The following MED13 variants were observed in gnomAD, a reference collection of about 807,000 sequenced individuals.
The protein encoded by MED13 is mediator complex subunit 13, also known as mediator of RNA polymerase II transcription subunit 13.
MED13 carries 23 observed loss-of-function variants against 225.2 expected under a neutral mutation model. The observed-to-expected ratio is 0.10, with a 90% CI of 0.07 to 0.14. MED13 has a LOEUF of 0.14. MED13 is among the 10% of genes least tolerant of loss of function. MED13 has a pLI of 1.00. For missense variants in MED13, 2,197 were observed against 2,594.5 expected, an observed-to-expected ratio of 0.85 and a Z score of 3.33; for synonymous variants, 942 against 889.2, an observed-to-expected ratio of 1.06 and a Z score of -1.06.
At chr17:62,042,515 T>C (rs895872998) in intron 3 of MED13, among the ~76,000 whole-genome samples, 36 of 146,050 alleles carry the variant, frequency 2.5e-4, no homozygotes, top group African/African-American at 9.4e-4. Context: ...TGAGCCGAGA[T>C]TGCGCCACTG....
At position 62,011,078 on chromosome 17, in the gene MED13, A is replaced by G. The variant is rs2080503935; in HGVS notation, c.1439T>C (p.Val480Ala). 15 of 1,614,180 alleles carry G rather than the reference A, an allele frequency of 9.3e-6. No homozygotes were observed. The highest frequency in any genetic ancestry group is 2.2e-5 in the East Asian group (1 of 44,892). The change falls in exon 9 of 30, where the codon GTG becomes GCG. Residue 480 changes from valine to alanine, a missense_variant. Physicochemically the swap from Val to Ala is moderately conservative, Grantham distance 64 (BLOSUM62 0). Transcript: ENST00000397786. Reference sequence around the variant, plus strand: ...CATGCCAACATCATCACTAACAGACACACGATGGTGAAAAGGAGTCAAGGG... The same window carrying G: ...CATGCCAACATCATCACTAACAGACGCACGATGGTGAAAAGGAGTCAAGGG... ...KRPLTPFHHR[V>A]SVSDDVGMDA...
intron 10 of MED13, among the ~76,000 whole-genome samples, chr17:61,993,947 AC>A (rs1194878726): frequency 1.9e-3 from 218 of 117,378 alleles, no homozygotes; most frequent in African/African-American, 0.013. Flanking sequence ...AAACAAACAA[AC>A]AAAAAAAAAA....
intron 3 of MED13, among the ~76,000 whole-genome samples, chr17:62,049,084 A>AAAAAAAAAAAAAAAAAAAAAAAAG (rs2080929901): frequency 6.7e-6 from 1 of 150,202 alleles, no homozygotes; most frequent in African/African-American, 2.5e-5. Flanking sequence ...AAGACAAAAA[A>AAAAAAAAAAAAAAAAAAAAAAAAG]AAAAAAAAAA....
At chr17:61,961,884 A>C (rs2143347709) in intron 21 of MED13, 105 bp from the exon 22 acceptor site, 1 of 1,050,096 alleles carries the variant, frequency 9.5e-7, no homozygotes, top group Non-Finnish European at 1.4e-6. Context: ...ATTTACACAA[A>C]ACCTAATTTA....
chr17:62,001,221 A>C (rs1603400217), intron 9 of MED13, among the ~76,000 whole-genome samples: 1 of 152,178 alleles, frequency 6.6e-6, no homozygotes, highest in African/African-American at 2.4e-5. Context: ...CTCATGAACT[A>C]AATACGCTTG....
Position 61,968,066 on chromosome 17 carries a change from C to T in MED13, c.4160G>A (p.Ser1387Asn), listed in dbSNP as rs2143386924. 5 of 1,613,796 alleles carry T rather than the reference C, an allele frequency of 3.1e-6. No homozygotes were observed. Among genetic ancestry groups the T allele is most frequent in the Non-Finnish European group, 4.2e-6 (5 of 1,179,808 alleles). Residue 1387 changes from serine to asparagine, a missense_variant, in exon 18 of 30, where the codon AGC (serine) becomes AAC (asparagine). Ser to Asn is a conservative substitution (Grantham distance 46). Transcript: ENST00000397786. Reference protein sequence around the residue: ...ENEALLNGAKSFFRDLTAIYE... With the variant: ...ENEALLNGAKNFFRDLTAIYE... Reference sequence around the variant, plus strand: ...TATTGCAGTAAGATCTCTAAAAAAGCTTTTTGCTCCATTTAACAAGGCTTC... The same window carrying T: ...TATTGCAGTAAGATCTCTAAAAAAGTTTTTTGCTCCATTTAACAAGGCTTC...
At chr17:62,013,261 T>C (rs2080529497) in intron 8 of MED13, among the ~76,000 whole-genome samples, 1 of 152,072 alleles carries the variant, frequency 6.6e-6, no homozygotes, top group Non-Finnish European at 1.5e-5. Context: ...TAGACCATTA[T>C]CTCTTAAGAA....
At chr17:62,046,365 A>G (rs1269465062) in intron 3 of MED13, among the ~76,000 whole-genome samples, 1 of 152,238 alleles carries the variant, frequency 6.6e-6, no homozygotes, top group Non-Finnish European at 1.5e-5. Flanking sequence ...TTATACCACA[A>G]CTATGGTTCA....
chr17:61,948,590 A>T (rs2079869670), intron 28 of MED13, among the ~76,000 whole-genome samples: 1 of 151,838 alleles, frequency 6.6e-6, no homozygotes, highest in South Asian at 2.1e-4. Context: ...GCACCCTCCC[A>T]AAGGACCAAA....
rs150389048 is a variant in MED13, at chr17:61,960,330, G to A, written c.5480+537C>T. ...GTCACTCAGGCTGGAATGCAATGGC[G>A]TGATCTTGGCTCACTGCAACCTCCG... On this transcript the variant is annotated intron_variant, in intron 23 of 29. Transcript: ENST00000397786. Among the ~76,000 whole-genome samples the A allele has an allele frequency of 7.5e-3, 1,135 of 151,764 alleles. 9 individuals are homozygous for A. Among genetic ancestry groups the A allele is most frequent in the African/African-American group, 0.025 (1,023 of 41,358 alleles).
intron 9 of MED13, chr17:62,003,903 A>T (rs1376350216): frequency 6.6e-6 from 1 of 152,150 alleles, no homozygotes; most frequent in Non-Finnish European, 1.5e-5. Context: ...ATAATTTTAG[A>T]ACAGATTTTA....
intron 1 of MED13, 40 bp downstream of exon 1, chr17:62,065,100 C>A: frequency 1.3e-6 from 2 of 1,506,886 alleles, no homozygotes; most frequent in Non-Finnish European, 1.8e-6. Flanking sequence ...GCGCACCTCG[C>A]GGCCCCCCTC....
At chr17:62,008,857 T>C (rs1056097069) in intron 9 of MED13, among the ~76,000 whole-genome samples, 3 of 151,702 alleles carry the variant, frequency 2.0e-5, no homozygotes, top group African/African-American at 7.3e-5. Context: ...ATAACAGAAA[T>C]AAGAAAGTAT....
At chr17:62,060,859 C>A (rs1031307059) in intron 2 of MED13, among the ~76,000 whole-genome samples, 8 of 151,774 alleles carry the variant, frequency 5.3e-5, no homozygotes, top group African/African-American at 1.9e-4. Context: ...GCCACCATGC[C>A]CAGCTAATTT....
At chr17:62,031,306 T>C (rs896276850) in intron 6 of MED13, 138 bp downstream of exon 6, 2 of 711,888 alleles carry the variant, frequency 2.8e-6, no homozygotes, top group Non-Finnish European at 2.2e-6. Context: ...TTTGGAAATA[T>C]GGCTAAGGAA....
At chr17:61,980,863 C>T (rs540423563) in intron 16 of MED13, among the ~76,000 whole-genome samples, 1 of 151,978 alleles carries the variant, frequency 6.6e-6, no homozygotes, top group Non-Finnish European at 1.5e-5. Context: ...CTGCCTTGGC[C>T]TCCTGAGCAG....
intron 10 of MED13, among the ~76,000 whole-genome samples, chr17:61,993,993 T>C (rs2080326132): frequency 6.6e-6 from 1 of 151,772 alleles, no homozygotes; most frequent in Non-Finnish European, 1.5e-5. Flanking sequence ...TTCATAACTT[T>C]ACAGATTTCA....
intron 9 of MED13, chr17:62,007,288 G>A (rs961174253): frequency 1.3e-5 from 2 of 151,958 alleles, no homozygotes; most frequent in African/African-American, 2.4e-5. Context: ...AGAAGAATCC[G>A]AGTAAAGAAC....
At chr17:62,050,684 CTGTT>C (rs2080949137) in intron 3 of MED13, among the ~76,000 whole-genome samples, 2 of 152,164 alleles carry the variant, frequency 1.3e-5, no homozygotes, top group South Asian at 4.1e-4. Flanking sequence ...TCTTGGTAAT[CTGTT>C]TGACTTCTTA....
Sources: allele counts gnomAD v4.1 joint callset (sites outside exome capture counted in the v4.1 genomes callset), GRCh38; gene constraint gnomAD v4.1.1; transcripts MANE v1.5; gene names NCBI Gene and HGNC (gene_info 2026-07-23, HGNC 2026-07-21).